SGCD: variants seen among roughly 807,000 people sequenced by gnomAD.
The protein encoded by SGCD is sarcoglycan delta.
A neutral mutation model predicts 36.6 loss-of-function variants in SGCD; 18 were observed. The observed-to-expected ratio is 0.49, with a 90% confidence interval of 0.34 to 0.73. The LOEUF is 0.73. SGCD is among the 30% of genes least tolerant of loss of function. The pLI is 0.01. For synonymous variants in SGCD, 133 were observed against 130.6 expected (o/e 1.02, Z -0.12); for missense variants, 387 against 346.7 (o/e 1.12, Z -0.92).
intron 6 of SGCD, among the ~76,000 whole-genome samples, chr5:156,606,297 T>C (rs1487778045): frequency 6.6e-6 from 1 of 152,220 alleles, no homozygotes; most frequent in East Asian, 1.9e-4. Flanking sequence ...ATTTATTAAA[T>C]AGGGAATCCT....
At chr5:155,908,204 A>T (rs1014625820) in intron 1 of SGCD, among the ~76,000 whole-genome samples, 8 of 152,124 alleles carry the variant, frequency 5.3e-5, no homozygotes, top group Non-Finnish European at 1.2e-4. Context: ...TTTATAATGC[A>T]CTGAAAAACC....
At chr5:155,987,174 C>A (rs932785659) in intron 1 of SGCD, among the ~76,000 whole-genome samples, 2 of 152,144 alleles carry the variant, frequency 1.3e-5, no homozygotes, top group Non-Finnish European at 2.9e-5. Context: ...GCCATATTCT[C>A]ATCATTTGAA....
chr5:156,596,874 G>T (rs1037170279), intron 6 of SGCD, among the ~76,000 whole-genome samples: 5 of 151,884 alleles, frequency 3.3e-5, no homozygotes, highest in African/African-American at 9.7e-5. Flanking sequence ...CCTCACCCCC[G>T]ACTCTCCCAC....
chr5:155,899,561 G>T (rs759172193), intron 1 of SGCD, among the ~76,000 whole-genome samples: 6 of 152,102 alleles, frequency 3.9e-5, no homozygotes, highest in African/African-American at 7.2e-5. Context: ...CCATGTGCTG[G>T]GAATGATATT....
intron 4 of SGCD, among the ~76,000 whole-genome samples, chr5:156,522,858 G>A (rs762868003): frequency 6.6e-6 from 1 of 151,968 alleles, no homozygotes; most frequent in Non-Finnish European, 1.5e-5. Context: ...GGGCATGAGG[G>A]TATCCAAGTT....
intron 3 of SGCD, among the ~76,000 whole-genome samples, chr5:156,477,415 C>T (rs1165593564): frequency 6.6e-6 from 1 of 152,104 alleles, no homozygotes; most frequent in Non-Finnish European, 1.5e-5. Flanking sequence ...TTTCTGGCCA[C>T]TCTTAGATAA....
At chr5:156,735,385 T>C (rs1292193556) in intron 7 of SGCD, among the ~76,000 whole-genome samples, 1 of 152,066 alleles carries the variant, frequency 6.6e-6, no homozygotes, top group Non-Finnish European at 1.5e-5. Context: ...CCCCACTGCC[T>C]CTGGGAGCTC....
At chr5:156,010,814 C>T (rs1758845598) in intron 1 of SGCD, among the ~76,000 whole-genome samples, 1 of 152,156 alleles carries the variant, frequency 6.6e-6, no homozygotes, top group Non-Finnish European at 1.5e-5. Flanking sequence ...GAAGCAGAGC[C>T]AGGACTTGAA....
chr5:156,441,520 G>GA (rs1286775538), intron 3 of SGCD, among the ~76,000 whole-genome samples: 1 of 152,078 alleles, frequency 6.6e-6, no homozygotes, highest in Non-Finnish European at 1.5e-5. Context: ...ATATGGTACA[G>GA]AACTAAAAAT....
chr5:156,304,288 G>A (rs1360396964), intron 3 of SGCD, among the ~76,000 whole-genome samples: 11 of 152,282 alleles, frequency 7.2e-5, no homozygotes, highest in African/African-American at 1.4e-4. Flanking sequence ...CTGAATTTTC[G>A]TGTGTTGTGG....
At chr5:155,792,058 A>G in the SGCD span, among the ~76,000 whole-genome samples, 1 of 152,120 alleles carries the variant, frequency 6.6e-6, no homozygotes, top group African/African-American at 2.4e-5. Flanking sequence ...ACAAAACCAG[A>G]TCCATAAACC....
chr5:155,824,528 A>G, the SGCD span, among the ~76,000 whole-genome samples: 14 of 152,222 alleles, frequency 9.2e-5, no homozygotes, highest in Admixed American at 7.2e-4. Flanking sequence ...TATATGCACC[A>G]TAACTTGTTC....
Position 156,388,002 on chromosome 5 carries a change from A to G in SGCD, c.192+43325A>G, listed in dbSNP as rs112892964. Among the ~76,000 whole-genome samples, 5 of 152,324 alleles carry G rather than the reference A, an allele frequency of 3.3e-5. 1 individual carries two copies. The highest frequency in any genetic ancestry group is 1.2e-4 in the African/African-American group (5 of 41,572). On this transcript the variant is annotated intron_variant, in intron 3 of 8. Transcript: ENST00000337851. ...GGGAGAGAGATTCTAAGTAAGACTC[A>G]ATAGGTATGAAGCTGTGCTAAATTA...
At chr5:155,827,704 G>A in the SGCD span, among the ~76,000 whole-genome samples, 1 of 93,718 alleles carries the variant, frequency 1.1e-5, no homozygotes, top group African/African-American at 4.1e-5. Flanking sequence ...TTGAGATGGA[G>A]TTTCACTCTT....
intron 3 of SGCD, among the ~76,000 whole-genome samples, chr5:156,428,810 G>T (rs1773787708): frequency 6.6e-6 from 1 of 152,068 alleles, no homozygotes; most frequent in Non-Finnish European, 1.5e-5. Context: ...TTCAAGAGCA[G>T]ATTATTTAAT....
At chr5:156,231,251 C>G (rs1219949982) in intron 3 of SGCD, among the ~76,000 whole-genome samples, 1 of 152,084 alleles carries the variant, frequency 6.6e-6, no homozygotes, top group Non-Finnish European at 1.5e-5. Flanking sequence ...TATTGGTGAA[C>G]GTGTCCAGGC....
intron 1 of SGCD, among the ~76,000 whole-genome samples, chr5:156,002,946 G>A (rs907513854): frequency 2.0e-5 from 3 of 152,206 alleles, no homozygotes; most frequent in Non-Finnish European, 4.4e-5. Flanking sequence ...TAGGTTTTTA[G>A]TGTCACCTTC....
chr5:156,359,533 C>T (rs933353479), intron 3 of SGCD, among the ~76,000 whole-genome samples: 2 of 152,150 alleles, frequency 1.3e-5, no homozygotes, highest in African/African-American at 4.8e-5. Flanking sequence ...CAGTAAGTCG[C>T]AGAGCTGGGA....
chr5:156,556,402 T>G (rs1759024052), intron 4 of SGCD, among the ~76,000 whole-genome samples: 1 of 152,138 alleles, frequency 6.6e-6, no homozygotes, highest in South Asian at 2.1e-4. Context: ...GGTCTGTCCT[T>G]TCTTGCTACT....
Sources: allele counts gnomAD v4.1 joint callset (sites outside exome capture counted in the v4.1 genomes callset), GRCh38; gene constraint gnomAD v4.1.1; transcripts MANE v1.5; gene names NCBI Gene and HGNC (gene_info 2026-07-23, HGNC 2026-07-21).